The following MYCBP2 variants were observed in gnomAD, a reference collection of about 807,000 sequenced individuals.
MYCBP2 encodes MYC binding protein 2, also known as E3 ubiquitin-protein ligase MYCBP2.
In MYCBP2, 120 loss-of-function variants were observed where a neutral mutation model predicts 525.3. The ratio of observed to expected loss-of-function variants is 0.23; its 90% confidence interval spans 0.20 to 0.27. The LOEUF is 0.27. MYCBP2 is among the 10% of genes least tolerant of loss of function. The pLI is 1.00. For missense variants in MYCBP2, 4,149 were observed against 5,657.1 expected, an observed-to-expected ratio of 0.73 and a Z score of 8.55; for synonymous variants, 1,894 against 1,955.8, an observed-to-expected ratio of 0.97 and a Z score of 0.83.
intron 2 of MYCBP2, among the ~76,000 whole-genome samples, chr13:77,294,104 C>CTATATATATATATATATATATATATA (rs1197370334): frequency 4.8e-4 from 20 of 41,886 alleles, no homozygotes; most frequent in Non-Finnish European, 8.9e-4. Context: ...GATATAATGG[C>CTATATATATATATATATATATATATA]TATATATATA....
At chr13:77,183,258 T>C (rs561838491) in intron 32 of MYCBP2, among the ~76,000 whole-genome samples, 1 of 152,192 alleles carries the variant, frequency 6.6e-6, no homozygotes, top group Non-Finnish European at 1.5e-5. Context: ...TAAAATTAGT[T>C]GGGAAGTGTT....
chr13:77,294,115 T>TACATATATATATATATATATAC (rs1382628273), intron 2 of MYCBP2, among the ~76,000 whole-genome samples: 1 of 53,794 alleles, frequency 1.9e-5, no homozygotes, highest in African/African-American at 4.7e-5. Context: ...TATATATATA[T>TACATATATATATATATATATAC]ATATATATAT....
chr13:77,051,780 A>G, intron 81 of MYCBP2, 31 bp downstream of exon 81: 1 of 1,522,132 alleles, frequency 6.6e-7, no homozygotes, highest in Non-Finnish European at 9.1e-7. Flanking sequence ...ACATTTCTAA[A>G]CTGTTGTTTC....
chr13:77,117,426 AT>A (rs2049971807), intron 55 of MYCBP2, among the ~76,000 whole-genome samples: 1 of 152,120 alleles, frequency 6.6e-6, no homozygotes, highest in Non-Finnish European at 1.5e-5. Flanking sequence ...GAATAATATC[AT>A]TTGCTAGCTA....
chr13:77,174,938 A>AT (rs2059535267), intron 36 of MYCBP2, among the ~76,000 whole-genome samples: 1 of 14,796 alleles, frequency 6.8e-5, no homozygotes, highest in African/African-American at 1.1e-4. Flanking sequence ...TATAATATAT[A>AT]TATATTTTAT....
In MYCBP2 at chr13:77,261,174, A is replaced by G. The variant is rs1276595927; in HGVS notation, c.1849T>C (p.Ser617Pro). Reference sequence around the variant, plus strand: ...CATAGTTGATCACTCAACTTACTTGATTCTCCATCTTCTCCTTTACTAGCA... The same window carrying G: ...CATAGTTGATCACTCAACTTACTTGGTTCTCCATCTTCTCCTTTACTAGCA... ...GSASKGEDGE[S>P]TKSRRQSKPY... The change falls in exon 12 of 83, where the codon TCA becomes CCA. Residue 617 changes from serine (S) to proline (P), a missense_variant. Around this residue, in one of 21 missense-constraint regions of MYCBP2, gnomAD observed 262 missense variants for 419.3 expected, o/e 0.62. Coordinates refer to ENST00000544440, the MANE Select transcript of MYCBP2 (RefSeq NM_015057.5). The G allele has an allele frequency of 6.2e-7, 1 of 1,611,040 alleles. No homozygotes were observed. Among genetic ancestry groups the G allele is most frequent in the Admixed American group, 1.7e-5 (1 of 59,868 alleles).
chr13:77,261,435 A>T, intron 11 of MYCBP2, 60 bp from the exon 12 acceptor site: 1 of 1,226,886 alleles, frequency 8.2e-7, no homozygotes, highest in Non-Finnish European at 1.1e-6. Context: ...ATCAGGTTTC[A>T]CATGAGGAAA....
intron 82 of MYCBP2, among the ~76,000 whole-genome samples, chr13:77,047,733 T>C (rs775975989): frequency 6.6e-6 from 1 of 152,130 alleles, no homozygotes; most frequent in African/African-American, 2.4e-5. Flanking sequence ...GAAATGCCTT[T>C]GTCCTTTGTA....
intron 18 of MYCBP2, among the ~76,000 whole-genome samples, chr13:77,228,523 T>C (rs1000673659): frequency 6.8e-6 from 1 of 147,774 alleles, no homozygotes; most frequent in Non-Finnish European, 1.5e-5. Flanking sequence ...AAAAAAAAAA[T>C]CTGTTCAAGC....
In MYCBP2 at chr13:77,126,321, T is replaced by G; in HGVS notation, c.7881A>C (p.Gly2627=). 6.2e-7 allele frequency: 1 copy of G among 1,613,168 alleles called. No homozygotes were observed. The highest frequency in any genetic ancestry group is 8.5e-7 in the Non-Finnish European group (1 of 1,179,254). Residue 2627 remains glycine (G), a synonymous_variant, in exon 53 of 83, where the codon GGA becomes GGC. Transcript: ENST00000544440. The part of the protein sequence containing the change: ...LVLGNKVKAV[G]EVTNSEGTWV... ...ATGAAGCTACAAGAATCCATACCTCTCCCACTGCTTTGACTTTGTTTCCCA... is the reference window on the plus strand; with the variant it reads ...ATGAAGCTACAAGAATCCATACCTCGCCCACTGCTTTGACTTTGTTTCCCA...
intron 51 of MYCBP2, 114 bp from the exon 52 acceptor site, chr13:77,139,450 C>A (rs576810141): frequency 5.1e-6 from 6 of 1,180,558 alleles, no homozygotes; most frequent in South Asian, 4.5e-5. Context: ...GATTAAGCAT[C>A]TAGTTTTTGC....
chr13:77,272,839 G>C (rs1035962680), intron 5 of MYCBP2, among the ~76,000 whole-genome samples: 1 of 152,128 alleles, frequency 6.6e-6, no homozygotes, highest in Non-Finnish European at 1.5e-5. Flanking sequence ...TTGCCCAAGG[G>C]GCCAGAGAAG....
chr13:77,175,694 C>T (rs1245698708), intron 36 of MYCBP2, among the ~76,000 whole-genome samples: 1 of 152,132 alleles, frequency 6.6e-6, no homozygotes, highest in African/African-American at 2.4e-5. Flanking sequence ...GGCGCGGTGG[C>T]TCACGCTTGT....
chr13:77,088,014 G>A (rs556449207), intron 61 of MYCBP2, among the ~76,000 whole-genome samples: 3 of 151,922 alleles, frequency 2.0e-5, no homozygotes, highest in East Asian at 1.9e-4. Context: ...AAACTCTTGC[G>A]CTCAAGTGAT....
chr13:77,169,269 G>A (rs1399828572), intron 39 of MYCBP2, among the ~76,000 whole-genome samples: 4 of 151,900 alleles, frequency 2.6e-5, no homozygotes, highest in African/African-American at 4.8e-5. Context: ...AGTGGCGGGC[G>A]CCTGTAGTCC....
In MYCBP2 at chr13:77,164,457, T is replaced by C. The variant is rs550911961; in HGVS notation, c.6544A>G (p.Ile2182Val). The C allele has an allele frequency of 7.8e-5, 126 of 1,605,136 alleles. 1 individual carries two copies. In the East Asian group the frequency reaches 2.7e-3, roughly 34 times the overall value. ...ATCCAGTATTGGCCACACTTACCAA[T>C]AGGAAGTGCTAGGTCCTTCTTCATC... Reference protein sequence around the residue: ...ALMKKDLALPIGNELEEDLEI... With the variant: ...ALMKKDLALPVGNELEEDLEI... The change falls in exon 43 of 83, where the codon ATT becomes GTT. Residue 2182 changes from isoleucine (I) to valine (V), a missense_variant. Coordinates refer to ENST00000544440, the MANE Select transcript of MYCBP2 (RefSeq NM_015057.5).
intron 62 of MYCBP2, among the ~76,000 whole-genome samples, chr13:77,086,629 T>A (rs556104686): frequency 4.6e-5 from 7 of 152,168 alleles, no homozygotes; most frequent in Non-Finnish European, 8.8e-5. Flanking sequence ...ATTTTTTATT[T>A]ACTTTTTCTG....
Position 77,156,180 on chromosome 13 carries a change from C to T in MYCBP2, c.6793G>A (p.Ala2265Thr). The T allele has an allele frequency of 6.2e-7, 1 of 1,613,604 alleles. No individual in the cohort carries two copies. The highest frequency in any genetic ancestry group is 8.5e-7 in the Non-Finnish European group (1 of 1,179,688). ...ATCAAAGATGTTTTCTGAGGATCCG[C>T]ATATGAATCTGGCTGAAGCCACCTA... ...LARWLQPDSY[A>T]DPQKTSLILN... Residue 2265 changes from alanine to threonine, a missense_variant, in exon 46 of 83, where the codon GCG becomes ACG. Ala to Thr is a moderately conservative substitution (Grantham distance 58). Around this residue, in one of 21 missense-constraint regions of MYCBP2, gnomAD observed 692 missense variants for 852.7 expected, o/e 0.81. Transcript: ENST00000544440.
chr13:77,178,279 A>G (rs1398696902), intron 34 of MYCBP2, among the ~76,000 whole-genome samples: 1 of 152,204 alleles, frequency 6.6e-6, no homozygotes, highest in Non-Finnish European at 1.5e-5. Context: ...GAGATGCTAA[A>G]AATTTCATCG....
Sources: gnomAD v4.1 joint callset for allele counts (sites outside exome capture counted in the v4.1 genomes callset) on GRCh38, gnomAD v4.1.1 for gene constraint, gnomAD v4.1.1 regional missense constraint, MANE v1.5 for transcripts, NCBI Gene and HGNC (gene_info 2026-07-23, HGNC 2026-07-21) for gene names.